DCC: variants seen among roughly 807,000 people sequenced by gnomAD.
DCC encodes DCC netrin 1 receptor.
DCC carries 58 observed loss-of-function variants against 172.5 expected under a neutral mutation model. The observed-to-expected ratio is 0.34, with a 90% confidence interval of 0.27 to 0.42. DCC has a LOEUF of 0.42. DCC is among the 10% of genes least tolerant of loss of function. The pLI, the probability that DCC is intolerant of heterozygous loss-of-function variation, is 1.00. For missense variants in DCC, 1,740 were observed against 1,791.0 expected (o/e 0.97, Z 0.51); for synonymous variants, 709 against 644.5 (o/e 1.10, Z -1.52).
intron 1 of DCC, among the ~76,000 whole-genome samples, chr18:52,433,873 A>C (rs1020215990): frequency 7.9e-5 from 12 of 152,142 alleles, no homozygotes; most frequent in Non-Finnish European, 1.3e-4. Context: ...ACATGCAGAG[A>C]CTCAAGTGTT....
intron 1 of DCC, among the ~76,000 whole-genome samples, chr18:52,584,149 C>T (rs1206377065): frequency 6.6e-6 from 1 of 152,142 alleles, no homozygotes; most frequent in Non-Finnish European, 1.5e-5. Context: ...ACTATGAGGG[C>T]TGATTTTTCT....
rs576939707 is a variant in DCC, at chr18:52,906,768, G to GAT, written c.697+449_697+450dup. Among the ~76,000 whole-genome samples, 9 of 151,548 alleles carry GAT rather than the reference G, an allele frequency of 5.9e-5. No individual in the cohort carries two copies. The South Asian group carries it at 8.3e-4, about 14-fold the overall frequency. Reference sequence around the variant, plus strand: ...GAACTATAGATATATGATACATATAGATATATATATGTATCATATATCATA... The same window carrying GAT: ...GAACTATAGATATATGATACATATAGATATATATATATGTATCATATATCATA... On this transcript the variant is annotated intron_variant, in intron 3 of 28. Coordinates refer to ENST00000442544, the MANE Select transcript of DCC (RefSeq NM_005215.4).
At chr18:53,407,907 C>A (rs547274742) in intron 19 of DCC, among the ~76,000 whole-genome samples, 2 of 152,008 alleles carry the variant, frequency 1.3e-5, no homozygotes, top group Non-Finnish European at 2.9e-5. Flanking sequence ...CTTTATCAAA[C>A]GATATTCATA....
At chr18:52,559,293 A>G (rs1265305098) in intron 1 of DCC, among the ~76,000 whole-genome samples, 1 of 152,120 alleles carries the variant, frequency 6.6e-6, no homozygotes, top group Non-Finnish European at 1.5e-5. Flanking sequence ...TTGTATTTTT[A>G]GTAGAGACAG....
At chr18:52,995,582 T>A (rs2041465196) in intron 5 of DCC, among the ~76,000 whole-genome samples, 1 of 152,010 alleles carries the variant, frequency 6.6e-6, no homozygotes, top group South Asian at 2.1e-4. Flanking sequence ...CCTTACTACC[T>A]TGTGAAGGTC....
chr18:53,261,910 C>T (rs73957132), intron 12 of DCC, among the ~76,000 whole-genome samples: 6,259 of 152,192 alleles, frequency 0.041, 394 homozygotes, highest in African/African-American at 0.14. Context: ...CTATCAGCAC[C>T]TGGGAACGTT....
intron 22 of DCC, among the ~76,000 whole-genome samples, chr18:53,442,180 T>C (rs1053855875): frequency 6.6e-6 from 1 of 152,250 alleles, no homozygotes; most frequent in African/African-American, 2.4e-5. Flanking sequence ...TTCCTTTTAT[T>C]GTGCTTCACA....
chr18:53,523,404 C>T (rs1424407545), intron 27 of DCC, among the ~76,000 whole-genome samples: 1 of 152,046 alleles, frequency 6.6e-6, no homozygotes, highest in Non-Finnish European at 1.5e-5. Flanking sequence ...CCCAGCAATC[C>T]TATTACTGGA....
intron 2 of DCC, among the ~76,000 whole-genome samples, chr18:52,835,843 TA>T (rs1480596092): frequency 6.6e-6 from 1 of 152,192 alleles, no homozygotes; most frequent in Non-Finnish European, 1.5e-5. Flanking sequence ...GCATAACATT[TA>T]AAAATATTTC....
At chr18:53,521,730 T>C (rs2046401301) in intron 27 of DCC, among the ~76,000 whole-genome samples, 1 of 152,150 alleles carries the variant, frequency 6.6e-6, no homozygotes, top group Admixed American at 6.5e-5. Flanking sequence ...TTTGGTTACA[T>C]ATTAAATTGT....
rs1403186770 is a variant in DCC, at chr18:52,798,278, A to G, written c.412+45904A>G. On this transcript the variant is annotated intron_variant, in intron 2 of 28. Coordinates refer to ENST00000442544, the MANE Select transcript of DCC (RefSeq NM_005215.4). ...ATATGTCTTTAATAGAGTAGAGAAAACAAAAATTTGGAAAACATTTCCTTA... is the reference window on the plus strand; with the variant it reads ...ATATGTCTTTAATAGAGTAGAGAAAGCAAAAATTTGGAAAACATTTCCTTA... 2.6e-5 allele frequency among the ~76,000 whole-genome samples: 4 copies of G among 152,220 alleles called. No individual in the cohort carries two copies. The East Asian group carries it at 7.7e-4, about 29-fold the overall frequency.
chr18:53,227,689 C>T (rs1034723737), intron 12 of DCC, among the ~76,000 whole-genome samples: 1 of 152,162 alleles, frequency 6.6e-6, no homozygotes, highest in Non-Finnish European at 1.5e-5. Context: ...TGTATCTAAT[C>T]TTAATGCAAC....
Position 53,493,495 on chromosome 18 carries a change from C to T in DCC, c.3899-5803C>T, listed in dbSNP as rs139542541. The stretch of plus-strand genomic sequence containing the variant: ...AAATAGCTCTTATTATTTTGAGATA[C>T]GTTCCATGTATGTGTCCAGGAATTT... On this transcript the variant is annotated intron_variant, in intron 26 of 28. Transcript: ENST00000442544. Among the ~76,000 whole-genome samples the T allele has an allele frequency of 2.4e-3, 363 of 151,758 alleles. 5 individuals carry two copies. The highest frequency in any genetic ancestry group is 6.9e-4 in the Non-Finnish European group (47 of 67,778).
intron 11 of DCC, among the ~76,000 whole-genome samples, chr18:53,211,014 G>C (rs1217632121): frequency 6.6e-6 from 1 of 151,452 alleles, no homozygotes; most frequent in African/African-American, 2.4e-5. Context: ...TTGCCAATTT[G>C]TTCCAAAATA....
At chr18:53,370,621 T>A (rs570732884) in intron 15 of DCC, among the ~76,000 whole-genome samples, 1 of 151,996 alleles carries the variant, frequency 6.6e-6, no homozygotes, top group South Asian at 2.1e-4. Context: ...TTTCCTTTGT[T>A]GTTTAAGAGT....
intron 1 of DCC, among the ~76,000 whole-genome samples, chr18:52,707,707 C>T (rs79994771): frequency 0.035 from 5,369 of 152,118 alleles, 148 homozygotes; most frequent in East Asian, 0.088. Flanking sequence ...TCTTGAAATT[C>T]GTGACATGGA....
At chr18:52,995,909 T>C (rs941223335) in intron 5 of DCC, among the ~76,000 whole-genome samples, 2 of 151,970 alleles carry the variant, frequency 1.3e-5, no homozygotes, top group African/African-American at 4.8e-5. Context: ...CCTGCTTTTT[T>C]TTTTTCCCAG....
At chr18:52,915,751 G>T (rs2040030569) in intron 3 of DCC, among the ~76,000 whole-genome samples, 1 of 152,056 alleles carries the variant, frequency 6.6e-6, no homozygotes, top group South Asian at 2.1e-4. Flanking sequence ...AAAGAGGAAG[G>T]AAGGAAAAGG....
In DCC at chr18:52,752,382, G is replaced by A. The variant is rs2083176575; in HGVS notation, c.412+8G>A. On this transcript the variant is annotated splice_region_variant and intron_variant, in intron 2 of 28. Coordinates refer to ENST00000442544, the MANE Select transcript of DCC (RefSeq NM_005215.4). ...CAAAAGTTGCAGTAGCAGGTAGGTG[G>A]ATTCTTCCTTCTCTTCCTCCTCCTC... 1 of 1,605,326 alleles carries A rather than the reference G, an allele frequency of 6.2e-7. No individual in the cohort carries two copies.
Sources: allele counts gnomAD v4.1 joint callset (sites outside exome capture counted in the v4.1 genomes callset), GRCh38; gene constraint gnomAD v4.1.1; transcripts MANE v1.5; gene names NCBI Gene and HGNC (gene_info 2026-07-23, HGNC 2026-07-21).